ADA2: variants seen among roughly 807,000 people sequenced by gnomAD.
The protein encoded by ADA2 is adenosine deaminase CECR1.
A neutral mutation model predicts 44.2 loss-of-function variants in ADA2; 29 were observed. The observed-to-expected ratio is 0.66, with a 90% CI of 0.49 to 0.89. The LOEUF (loss-of-function observed/expected upper bound fraction) is 0.89, where lower values mean the gene tolerates loss of function less well. ADA2 is among the 40% of genes least tolerant of loss of function. ADA2 has a pLI of 0.00. For synonymous variants in ADA2, 215 were observed against 234.9 expected (o/e 0.92, Z 0.77); for missense variants, 637 against 644.8 (o/e 0.99, Z 0.13).
rs17807317 is a variant in ADA2 at position 17,199,629 on chromosome 22, A to C, written c.753+3934T>G. On this transcript the variant is annotated intron_variant, in intron 4 of 9. Coordinates refer to ENST00000399837, the MANE Select transcript of ADA2 (RefSeq NM_001282225.2). ...AAGCCAGATGCTCTCTGGGATCGCC[A>C]TTTGAGGTGGGCGTGGCTATTAGGA... The C allele has an allele frequency of 0.46, 739,954 of 1,613,166 alleles. 175,553 individuals carry two copies. The highest frequency in any genetic ancestry group is 0.49 in the Non-Finnish European group (577,831 of 1,179,552).
At chr22:17,190,114 CTGG>C in intron 5 of ADA2, 82 bp from the exon 6 acceptor site, 4 of 1,130,500 alleles carry the variant, frequency 3.5e-6, no homozygotes, top group Non-Finnish European at 5.3e-6. Context: ...CCGTGCAGGG[CTGG>C]GCCAGCCCCA....
chr22:17,221,170 AT>A (rs1218485155), upstream of ADA2, among the ~76,000 whole-genome samples: 1 of 152,072 alleles, frequency 6.6e-6, no homozygotes, highest in Non-Finnish European at 1.5e-5. Flanking sequence ...TTTAACACTA[AT>A]TTTTTGAAAG....
intron 2 of ADA2, among the ~76,000 whole-genome samples, chr22:17,207,690 A>G (rs2062370703): frequency 6.6e-6 from 1 of 152,110 alleles, no homozygotes. Flanking sequence ...GGTTCAAGTC[A>G]GGGCTCCATT....
chr22:17,183,760 C>T (rs2062002088), intron 7 of ADA2, among the ~76,000 whole-genome samples: 1 of 151,980 alleles, frequency 6.6e-6, no homozygotes, highest in East Asian at 1.9e-4. Flanking sequence ...CCGCACCGGG[C>T]TCTGGGACTC....
At chr22:17,204,314 G>C (rs1463511166) in intron 3 of ADA2, among the ~76,000 whole-genome samples, 1 of 152,084 alleles carries the variant, frequency 6.6e-6, no homozygotes, top group Admixed American at 6.6e-5. Flanking sequence ...TAATAAGATG[G>C]GTGTCCTTGT....
chr22:17,205,677 A>T (rs1601457409), intron 3 of ADA2, among the ~76,000 whole-genome samples: 1 of 152,210 alleles, frequency 6.6e-6, no homozygotes, highest in East Asian at 1.9e-4. Flanking sequence ...TGTCACTTAT[A>T]ATATTACTAT....
intron 4 of ADA2, among the ~76,000 whole-genome samples, chr22:17,197,792 A>G (rs902368338): frequency 6.6e-6 from 1 of 152,166 alleles, no homozygotes; most frequent in Non-Finnish European, 1.5e-5. Context: ...TAATCCTAGC[A>G]CTTTGGGAGG....
At chr22:17,208,092 GA>G (rs2062374873) in intron 2 of ADA2, among the ~76,000 whole-genome samples, 2 of 151,942 alleles carry the variant, frequency 1.3e-5, no homozygotes, top group South Asian at 4.2e-4. Flanking sequence ...CTGACCTCAC[GA>G]TTATTATTAT....
Position 17,180,453 on chromosome 22 carries a change from A to G in ADA2, c.*1030T>C, listed in dbSNP as rs2061956567. 6.6e-6 allele frequency: 1 copy of G among 152,316 alleles called. No homozygotes were observed. Among genetic ancestry groups the G allele is most frequent in the African/African-American group, 2.4e-5 (1 of 41,436 alleles). The allele number at this position is 152,316 out of a possible 1,614,324, so 9.4% of individuals were successfully genotyped here. On this transcript the variant is annotated 3_prime_UTR_variant, in exon 10 of 10. Coordinates refer to ENST00000399837, the MANE Select transcript of ADA2 (RefSeq NM_001282225.2). ...GCACTGAAAATTTCTGCTTTGAGCA[A>G]CTGCGTGGAATGGATGGAGGTGTCC...
chr22:17,199,070 A>T (rs1039925570), intron 4 of ADA2, among the ~76,000 whole-genome samples: 2 of 152,188 alleles, frequency 1.3e-5, no homozygotes, highest in African/African-American at 4.8e-5. Flanking sequence ...TCTCCGTGGC[A>T]AAAGCCTTTG....
chr22:17,215,950 AATT>A (rs1212231047), intron 1 of ADA2, among the ~76,000 whole-genome samples: 3 of 151,846 alleles, frequency 2.0e-5, no homozygotes, highest in Non-Finnish European at 2.9e-5. Flanking sequence ...AAAATTTAAA[AATT>A]ATCGGCAGGC....
At chr22:17,182,348 C>T (rs777976177) in intron 8 of ADA2, among the ~76,000 whole-genome samples, 5 of 152,138 alleles carry the variant, frequency 3.3e-5, no homozygotes, top group African/African-American at 1.2e-4. Flanking sequence ...CTGGCCTCCC[C>T]CCATGTCCTT....
At chr22:17,192,925 T>C (rs1286289096) in intron 4 of ADA2, 4 of 572,602 alleles carry the variant, frequency 7.0e-6, no homozygotes, top group Non-Finnish European at 1.3e-5. Context: ...TCAGACCCCT[T>C]GTGAAGCCTG....
In ADA2 at chr22:17,207,136, A is replaced by T; in HGVS notation, c.477T>A (p.Cys159Ter). 6.2e-7 allele frequency: 1 copy of T among 1,614,252 alleles called. No homozygotes were observed. Among genetic ancestry groups the T allele is most frequent in the Non-Finnish European group, 8.5e-7 (1 of 1,180,046 alleles). ...AHPTPRPSEK[C>*]SKWILLEDYR... is the part of the protein sequence containing the mutation. ...AATCCTCCAGCAGAATCCACTTGGA[A>T]CATTTTTCTGATGGACGGGGAGTTG... The change falls in exon 3 of 10, where the codon TGT (cysteine) becomes TGA (stop). Residue 159 changes from cysteine to a stop codon, truncating the protein, a stop_gained. Coordinates refer to ENST00000399837, the MANE Select transcript of ADA2 (RefSeq NM_001282225.2). LOFTEE classifies it high-confidence loss of function.
chr22:17,210,244 G>A (rs900977717), intron 1 of ADA2, among the ~76,000 whole-genome samples: 28 of 143,594 alleles, frequency 1.9e-4, no homozygotes, highest in African/African-American at 7.0e-4. Flanking sequence ...AGGCTGGAGT[G>A]TAATGGTGTG....
At chr22:17,220,414 C>A (rs9619019), upstream of ADA2, among the ~76,000 whole-genome samples, 18,694 of 152,078 alleles carry the variant, frequency 0.12, 1,282 homozygotes, top group African/African-American at 0.17. Context: ...TGTTTCAACT[C>A]TCTATACTTC....
chr22:17,184,042 T>A (rs968357662), intron 7 of ADA2, among the ~76,000 whole-genome samples: 8 of 133,274 alleles, frequency 6.0e-5, no homozygotes, highest in African/African-American at 2.3e-4. Flanking sequence ...CACTGCAAGC[T>A]CCACTTCCCG....
At chr22:17,212,463 G>A (rs562764298) in intron 1 of ADA2, among the ~76,000 whole-genome samples, 57 of 152,172 alleles carry the variant, frequency 3.7e-4, no homozygotes, top group African/African-American at 1.2e-3. Flanking sequence ...TAGTAGAGAC[G>A]GAGTTTCACT....
intron 4 of ADA2, among the ~76,000 whole-genome samples, chr22:17,195,700 A>G (rs11912507): frequency 0.14 from 21,296 of 151,370 alleles, 1,769 homozygotes; most frequent in Admixed American, 0.19. Context: ...CATGTGTCAT[A>G]TCATTCTGAC....
Sources: gnomAD v4.1 joint callset for allele counts (sites outside exome capture counted in the v4.1 genomes callset) on GRCh38, gnomAD v4.1.1 for gene constraint, MANE v1.5 for transcripts, NCBI Gene and HGNC (gene_info 2026-07-23, HGNC 2026-07-21) for gene names.